The following PCDHA7 variants were observed in gnomAD, a reference collection of about 807,000 sequenced individuals.
The protein encoded by PCDHA7 is protocadherin alpha 7.
Under a neutral mutation model 57.2 loss-of-function variants are expected in PCDHA7, and 37 were observed. That is an observed-to-expected ratio of 0.65 (90% CI 0.50 to 0.85). The LOEUF is 0.85. PCDHA7 is among the 40% of genes least tolerant of loss of function. PCDHA7 has a pLI of 0.00. For missense variants in PCDHA7, 1,188 were observed against 1,241.8 expected (o/e 0.96, Z 0.65); for synonymous variants, 553 against 558.8 (o/e 0.99, Z 0.15).
chr5:140,890,788 T>C (rs892426818), intron 1 of PCDHA7, among the ~76,000 whole-genome samples: 1 of 152,222 alleles, frequency 6.6e-6, no homozygotes, highest in Non-Finnish European at 1.5e-5. Flanking sequence ...AAGATATTAG[T>C]ATTATTTTAT....
At chr5:140,857,793 G>T (rs782663646) in intron 1 of PCDHA7, 3 of 1,597,706 alleles carry the variant, frequency 1.9e-6, no homozygotes, top group Non-Finnish European at 2.6e-6. Flanking sequence ...CTGGTGCTGC[G>T]GTCGGTGGTT....
intron 1 of PCDHA7, among the ~76,000 whole-genome samples, chr5:140,941,215 C>CTTT (rs782548958): frequency 2.3e-4 from 24 of 104,510 alleles, no homozygotes; most frequent in African/African-American, 3.3e-4. Context: ...TTCTTTCTTC[C>CTTT]TTTCTTTCTT....
intron 1 of PCDHA7, among the ~76,000 whole-genome samples, chr5:140,879,706 A>T (rs2058090742): frequency 6.6e-6 from 1 of 152,246 alleles, no homozygotes; most frequent in African/African-American, 2.4e-5. Context: ...ATTATTTCTC[A>T]GTATTGGAGA....
intron 1 of PCDHA7, chr5:140,848,375 C>T: frequency 1.7e-6 from 2 of 1,165,908 alleles, no homozygotes; most frequent in Admixed American, 4.7e-5. Flanking sequence ...AGGCTCAATT[C>T]TTTTTCACTC....
At chr5:140,992,187 G>C (rs1395618041) in intron 3 of PCDHA7, among the ~76,000 whole-genome samples, 1 of 152,118 alleles carries the variant, frequency 6.6e-6, no homozygotes, top group Non-Finnish European at 1.5e-5. Flanking sequence ...CATGCTTTCA[G>C]TGATCTATCC....
At chr5:140,903,982 T>G (rs782635653) in intron 1 of PCDHA7, among the ~76,000 whole-genome samples, 5 of 152,232 alleles carry the variant, frequency 3.3e-5, no homozygotes, top group African/African-American at 4.8e-5. Flanking sequence ...CTATTCACAA[T>G]GTAACAGCTA....
intron 1 of PCDHA7, among the ~76,000 whole-genome samples, chr5:140,894,455 T>C (rs1316862860): frequency 6.6e-6 from 1 of 152,000 alleles, no homozygotes; most frequent in Non-Finnish European, 1.5e-5. Flanking sequence ...TTAAAAAATA[T>C]TTTACTTTTT....
intron 1 of PCDHA7, among the ~76,000 whole-genome samples, chr5:140,905,903 G>A (rs2072195312): frequency 6.6e-6 from 1 of 152,184 alleles, no homozygotes; most frequent in African/African-American, 2.4e-5. Flanking sequence ...AAGCTGAGGA[G>A]CAAGGAATCC....
chr5:140,895,320 T>C (rs561707282), intron 1 of PCDHA7, among the ~76,000 whole-genome samples: 2 of 152,298 alleles, frequency 1.3e-5, no homozygotes, highest in East Asian at 3.9e-4. Flanking sequence ...CCATGACTAT[T>C]GTTCTCAAAT....
chr5:140,967,052 A>C (rs1554229118), intron 1 of PCDHA7: 1 of 1,612,532 alleles, frequency 6.2e-7, no homozygotes, highest in Non-Finnish European at 8.5e-7. Context: ...GGACCTGACG[A>C]GTGGAGCGCT....
intron 1 of PCDHA7, chr5:140,927,766 G>A: frequency 1.2e-6 from 2 of 1,614,234 alleles, no homozygotes; most frequent in Non-Finnish European, 1.7e-6. Context: ...TAAAAGTGGG[G>A]AGGTGCAAGT....
At chr5:140,841,784 G>C in intron 1 of PCDHA7, 4 of 1,613,930 alleles carry the variant, frequency 2.5e-6, no homozygotes, top group African/African-American at 1.3e-5. Flanking sequence ...GTTTCCGCTA[G>C]AGGGCGCGTC....
intron 1 of PCDHA7, among the ~76,000 whole-genome samples, chr5:140,948,500 T>C (rs1482428616): frequency 6.6e-6 from 1 of 151,662 alleles, no homozygotes; most frequent in Non-Finnish European, 1.5e-5. Context: ...TCATAGACTT[T>C]CTATTAAAAA....
chr5:140,885,873 T>A (rs1365119411), intron 1 of PCDHA7, among the ~76,000 whole-genome samples: 3 of 152,154 alleles, frequency 2.0e-5, no homozygotes, highest in Admixed American at 6.5e-5. Flanking sequence ...TGAAAAAAAA[T>A]TTTTAGTTTC....
At chr5:140,926,864 T>C in intron 1 of PCDHA7, 1 of 1,522,480 alleles carries the variant, frequency 6.6e-7, no homozygotes, top group South Asian at 1.3e-5. Flanking sequence ...GTGTAGCGTG[T>C]TGGTGGAACG....
intron 1 of PCDHA7, among the ~76,000 whole-genome samples, chr5:140,900,528 C>T (rs1261076566): frequency 2.6e-5 from 4 of 152,214 alleles, no homozygotes; most frequent in South Asian, 4.1e-4. Flanking sequence ...CTGCCCACCT[C>T]GGCTTTCCAA....
At chr5:140,926,879 C>T (rs1554203752) in intron 1 of PCDHA7, 1 of 1,534,362 alleles carries the variant, frequency 6.5e-7, no homozygotes, top group African/African-American at 1.4e-5. Context: ...GGAACGTGGA[C>T]GCCTAGAGGG....
chr5:140,870,198 C>G, intron 1 of PCDHA7: 1 of 1,614,172 alleles, frequency 6.2e-7, no homozygotes, highest in Non-Finnish European at 8.5e-7. Context: ...CTCAGCCCAG[C>G]ACGGTCATTG....
At position 141,004,143 on chromosome 5, in the gene PCDHA7, C is replaced by T. The variant is rs1023273119; in HGVS notation, c.2504-5484C>T. 2.6e-5 allele frequency among the ~76,000 whole-genome samples: 4 copies of T among 152,252 alleles called. No homozygotes were observed. In the East Asian group the frequency reaches 7.7e-4, roughly 29 times the overall value. ...TATCTCCATGATTCTGCCCCAAAGG[C>T]ATGACATTTTATAGGCAAAGCCAGC... On this transcript the variant is annotated intron_variant, in intron 3 of 3. Transcript: ENST00000525929.
Sources: gnomAD v4.1 joint callset for allele counts (sites outside exome capture counted in the v4.1 genomes callset) on GRCh38, gnomAD v4.1.1 for gene constraint, MANE v1.5 for transcripts, NCBI Gene and HGNC (gene_info 2026-07-23, HGNC 2026-07-21) for gene names.